Variants in CTNNA2 observed in about 807,000 individuals in gnomAD.
The protein encoded by CTNNA2 is catenin alpha-2.
In CTNNA2, 42 loss-of-function variants were observed where a neutral mutation model predicts 101.0. The observed-to-expected ratio is 0.42, with a 90% confidence interval of 0.32 to 0.54. The LOEUF (loss-of-function observed/expected upper bound fraction) is 0.54. Ranked by LOEUF, CTNNA2 falls within the 20% of genes least tolerant of loss-of-function variation. CTNNA2 has a pLI of 0.14. For synonymous variants in CTNNA2, 450 were observed against 456.4 expected, an observed-to-expected ratio of 0.99 and a Z score of 0.18; for missense variants, 871 against 1,223.1, an observed-to-expected ratio of 0.71 and a Z score of 4.29.
rs114314432 is a variant in CTNNA2 at position 79,502,382 on chromosome 2, A to G, written c.-134-2672A>G. 7.9e-3 allele frequency among the ~76,000 whole-genome samples: 1,206 copies of G among 152,322 alleles called. 5 individuals carry two copies. The highest frequency in any genetic ancestry group is 0.027 in the African/African-American group (1,141 of 41,564). On this transcript the variant is annotated intron_variant, in intron 4 of 21. Transcript: ENST00000466387. ...TGTTGAGAATGTACAACTTCTTGGC[A>G]TAAAAGTGAAGAAAAATTCTACAGC...
At chr2:79,354,593 C>A (rs1019982335) in intron 3 of CTNNA2, among the ~76,000 whole-genome samples, 3 of 152,058 alleles carry the variant, frequency 2.0e-5, no homozygotes, top group African/African-American at 7.2e-5. Flanking sequence ...TTATTGGATT[C>A]CTTAGATTGG....
chr2:79,971,964 C>A (rs1690515213), intron 7 of CTNNA2, among the ~76,000 whole-genome samples: 1 of 152,132 alleles, frequency 6.6e-6, no homozygotes. Flanking sequence ...TGCTCCACCA[C>A]CTAGTGAGTT....
chr2:79,677,174 C>T (rs1683243831), intron 2 of CTNNA2, among the ~76,000 whole-genome samples: 1 of 152,180 alleles, frequency 6.6e-6, no homozygotes, highest in Non-Finnish European at 1.5e-5. Flanking sequence ...GATTATTATA[C>T]TCAAAGATTA....
At chr2:79,968,790 TAG>T (rs1268194256) in intron 7 of CTNNA2, among the ~76,000 whole-genome samples, 1 of 151,740 alleles carries the variant, frequency 6.6e-6, no homozygotes, top group African/African-American at 2.4e-5. Context: ...TCGCCTTATT[TAG>T]AGAGTTGAAG....
At chr2:80,143,016 G>A (rs998063949) in intron 7 of CTNNA2, among the ~76,000 whole-genome samples, 1 of 152,176 alleles carries the variant, frequency 6.6e-6, no homozygotes, top group Non-Finnish European at 1.5e-5. Context: ...CTCTCTCTTG[G>A]ACAACCTTGT....
chr2:79,675,709 CTGTT>C (rs540416663), intron 2 of CTNNA2, among the ~76,000 whole-genome samples: 349 of 152,238 alleles, frequency 2.3e-3, no homozygotes, highest in Non-Finnish European at 2.6e-3. Context: ...GGATGTCTGT[CTGTT>C]TCATTGTGTG....
At chr2:80,422,988 A>G (rs185742158) in intron 9 of CTNNA2, among the ~76,000 whole-genome samples, 93 of 152,242 alleles carry the variant, frequency 6.1e-4, no homozygotes, top group African/African-American at 2.1e-3. Flanking sequence ...CTGGCATAAA[A>G]TTGTCCATAA....
chr2:80,399,504 T>C (rs746135414), intron 8 of CTNNA2, among the ~76,000 whole-genome samples: 16 of 152,142 alleles, frequency 1.1e-4, no homozygotes, highest in Non-Finnish European at 1.8e-4. Context: ...TCAACATTGT[T>C]TCATCAAATG....
At chr2:80,631,601 C>T (rs17019531) in intron 18 of CTNNA2, among the ~76,000 whole-genome samples, 7,833 of 152,072 alleles carry the variant, frequency 0.052, 509 homozygotes, top group African/African-American at 0.15. Context: ...ACATTCACTC[C>T]AGGAGAAACA....
At position 80,038,791 on chromosome 2, in the gene CTNNA2, G is replaced by A. The variant is rs537673444; in HGVS notation, c.1056+128994G>A. ...AACCCAGGAAGTGGTGGAGGTTGCAGTGAGCTGAGATTGTGCCACTGCACT... is the reference window on the plus strand; with the variant it reads ...AACCCAGGAAGTGGTGGAGGTTGCAATGAGCTGAGATTGTGCCACTGCACT... On this transcript the variant is annotated intron_variant, in intron 7 of 18. Coordinates refer to ENST00000402739, the MANE Select transcript of CTNNA2 (RefSeq NM_001282597.3). 1.2e-4 allele frequency among the ~76,000 whole-genome samples: 18 copies of A among 152,334 alleles called. No homozygotes were observed. The East Asian group carries it at 2.7e-3, about 23-fold the overall frequency.
chr2:79,373,951 C>A (rs537701650), exon 4 of CTNNA2: 1 of 152,134 alleles, frequency 6.6e-6, no homozygotes, highest in Non-Finnish European at 1.5e-5. Flanking sequence ...CCAGAATGAA[C>A]GTCAGAAGCA....
At chr2:80,328,328 T>G (rs1223968240) in intron 7 of CTNNA2, 1 of 471,102 alleles carries the variant, frequency 2.1e-6, no homozygotes, top group East Asian at 6.9e-5. Context: ...ACCTTTCATG[T>G]GGTGACTTCA....
At chr2:80,195,556 C>T (rs1231353041) in intron 7 of CTNNA2, among the ~76,000 whole-genome samples, 1 of 151,246 alleles carries the variant, frequency 6.6e-6, no homozygotes, top group South Asian at 2.1e-4. Flanking sequence ...TTAATGACTT[C>T]TAGAGATAAT....
intron 8 of CTNNA2, among the ~76,000 whole-genome samples, chr2:80,410,174 A>G (rs1165736591): frequency 6.6e-6 from 1 of 152,226 alleles, no homozygotes; most frequent in African/African-American, 2.4e-5. Context: ...CTCAATGTAC[A>G]GCATACACTC....
intron 7 of CTNNA2, among the ~76,000 whole-genome samples, chr2:80,114,611 C>T (rs765609629): frequency 6.6e-6 from 1 of 152,196 alleles, no homozygotes; most frequent in African/African-American, 2.4e-5. Flanking sequence ...GAGGAGCACG[C>T]TGGCTTTCTG....
At chr2:80,252,221 T>A (rs1671820787) in intron 7 of CTNNA2, among the ~76,000 whole-genome samples, 1 of 152,210 alleles carries the variant, frequency 6.6e-6, no homozygotes, top group African/African-American at 2.4e-5. Flanking sequence ...ACCCTCTTAA[T>A]ATCTGGAACA....
chr2:79,390,946 T>C (rs1247337880), intron 4 of CTNNA2, among the ~76,000 whole-genome samples: 1 of 152,132 alleles, frequency 6.6e-6, no homozygotes, highest in Admixed American at 6.6e-5. Flanking sequence ...ATGAAAAAGA[T>C]AGAAGTTCTT....
At chr2:80,401,405 T>C (rs907389612) in intron 8 of CTNNA2, among the ~76,000 whole-genome samples, 1 of 152,176 alleles carries the variant, frequency 6.6e-6, no homozygotes. Flanking sequence ...GAGGATAATT[T>C]CCATGATTAA....
chr2:79,527,033 A>G (rs1411710820), intron 1 of CTNNA2, among the ~76,000 whole-genome samples: 1 of 152,160 alleles, frequency 6.6e-6, no homozygotes, highest in Non-Finnish European at 1.5e-5. Context: ...AAAAACTTTT[A>G]TGCATCAAAG....
Sources: allele counts gnomAD v4.1 joint callset (sites outside exome capture counted in the v4.1 genomes callset), GRCh38; gene constraint gnomAD v4.1.1; transcripts MANE v1.5; gene names NCBI Gene and HGNC (gene_info 2026-07-23, HGNC 2026-07-21).